NLRP9: variants seen among roughly 807,000 people sequenced by gnomAD.
NLRP9 encodes the protein NACHT, LRR and PYD domains-containing protein 9.
Under a neutral mutation model 83.1 loss-of-function variants are expected in NLRP9, and 88 were observed. The observed-to-expected ratio is 1.06, with a 90% confidence interval of 0.89 to 1.26. The LOEUF (loss-of-function observed/expected upper bound fraction) is 1.26, where lower values mean the gene tolerates loss of function less well. Ranked by LOEUF, NLRP9 falls within the 50% of genes most tolerant of loss-of-function variation. The pLI is 0.00. For synonymous variants in NLRP9, 521 were observed against 447.6 expected (o/e 1.16, Z -2.07); for missense variants, 1,308 against 1,179.3 (o/e 1.11, Z -1.60).
intron 8 of NLRP9, 170 bp downstream of exon 8, chr19:55,711,630 T>TA: frequency 2.3e-6 from 2 of 882,564 alleles, no homozygotes; most frequent in Non-Finnish European, 3.6e-6. Flanking sequence ...CTTGACATCT[T>TA]ACAATGTCAA....
At chr19:55,720,183 T>C (rs936918479) in intron 4 of NLRP9, among the ~76,000 whole-genome samples, 11 of 152,224 alleles carry the variant, frequency 7.2e-5, no homozygotes, top group African/African-American at 2.7e-4. Flanking sequence ...TCTGTGTTCA[T>C]ATGTGAATTT....
At chr19:55,734,339 G>C (rs1351274919) in intron 1 of NLRP9, among the ~76,000 whole-genome samples, 5 of 125,840 alleles carry the variant, frequency 4.0e-5, no homozygotes, top group Non-Finnish European at 1.6e-5. Context: ...ACTCAAGCCT[G>C]GGCAACAGCC....
intron 3 of NLRP9, among the ~76,000 whole-genome samples, chr19:55,726,656 GA>G (rs1309585765): frequency 6.6e-6 from 1 of 151,960 alleles, no homozygotes; most frequent in African/African-American, 2.4e-5. Flanking sequence ...AACTATGAGG[GA>G]AAAAAAGTTG....
chr19:55,709,323 C>T (rs1438034478), intron 8 of NLRP9: 1 of 203,620 alleles, frequency 4.9e-6, no homozygotes, highest in African/African-American at 2.3e-5. Context: ...GGATAACTTC[C>T]ATTCATCTGA....
At chr19:55,731,680 C>T (rs915488117) in intron 2 of NLRP9, among the ~76,000 whole-genome samples, 8 of 147,842 alleles carry the variant, frequency 5.4e-5, no homozygotes, top group South Asian at 4.3e-4. Flanking sequence ...GCCGAGATCG[C>T]GCCACTGCAC....
intron 4 of NLRP9, among the ~76,000 whole-genome samples, chr19:55,717,337 T>C (rs1464111801): frequency 1.3e-5 from 2 of 152,146 alleles, no homozygotes; most frequent in Non-Finnish European, 2.9e-5. Context: ...CCGGCCACAT[T>C]ACAAACTTTT....
intron 2 of NLRP9, among the ~76,000 whole-genome samples, 169 bp downstream of exon 2, chr19:55,731,830 A>C (rs1988580194): frequency 6.6e-6 from 1 of 152,146 alleles, no homozygotes; most frequent in East Asian, 1.9e-4. Context: ...AAGTTCAAGA[A>C]GTTGCAGCTC....
intron 4 of NLRP9, among the ~76,000 whole-genome samples, chr19:55,719,313 C>T (rs554541627): frequency 5.2e-4 from 79 of 152,214 alleles, no homozygotes; most frequent in African/African-American, 9.9e-4. Context: ...CCACCACACC[C>T]GGCTAATTTT....
intron 1 of NLRP9, 144 bp from the exon 2 acceptor site, chr19:55,733,694 G>C (rs995280200): frequency 1.7e-6 from 1 of 594,826 alleles, no homozygotes; most frequent in East Asian, 2.8e-5. Context: ...CTGAGAGACT[G>C]GTTCACGCCA....
chr19:55,729,357 G>C (rs1988501761), intron 3 of NLRP9, among the ~76,000 whole-genome samples: 1 of 151,326 alleles, frequency 6.6e-6, no homozygotes, highest in South Asian at 2.1e-4. Flanking sequence ...TTTACATTAG[G>C]TATATCTCCT....
chr19:55,733,107 C>T lies in NLRP9; in HGVS notation c.724G>A (p.Asp242Asn). The T allele has an allele frequency of 1.2e-6, 2 of 1,614,134 alleles. No homozygotes were observed. Among genetic ancestry groups the T allele is most frequent in the Non-Finnish European group, 1.7e-6 (2 of 1,180,012 alleles). Residue 242 changes from aspartate to asparagine, a missense_variant, in exon 2 of 9, where the codon GAC (aspartate) becomes AAC (asparagine). Asp to Asn is a conservative substitution (Grantham distance 23). Transcript: ENST00000332836. ...QLKFNLQLKA[D>N]LSDDWRQRQP... ...CGCTGCCTCCAATCATCGCTCAAGT[C>T]AGCCTTAAGTTGTAAGTTAAACTTC...
rs188330771 is a variant in NLRP9, at chr19:55,719,919, T to C, written c.2160-3021A>G. Among the ~76,000 whole-genome samples the C allele has an allele frequency of 1.1e-4, 17 of 152,226 alleles. No homozygotes were observed. The East Asian group carries it at 3.3e-3, about 29-fold the overall frequency. On this transcript the variant is annotated intron_variant, in intron 4 of 8. Coordinates refer to ENST00000332836, the MANE Select transcript of NLRP9 (RefSeq NM_176820.4). Reference sequence around the variant, plus strand: ...GACACATTAAGCACATTGCCTACAATGGGACGAAATATACTGATTTATTTA... The same window carrying C: ...GACACATTAAGCACATTGCCTACAACGGGACGAAATATACTGATTTATTTA...
intron 4 of NLRP9, among the ~76,000 whole-genome samples, chr19:55,717,572 C>T (rs750871959): frequency 6.6e-6 from 1 of 152,186 alleles, no homozygotes; most frequent in Non-Finnish European, 1.5e-5. Flanking sequence ...AAAGAAGTAT[C>T]CAGAACTCGA....
rs1987556077 is a variant in NLRP9 at position 55,708,790 on chromosome 19, A to T, written c.*122T>A. ...AATCATATTGCTAGAACACTTAGGG[A>T]GTACCTCTGAAATCACAGCCCTGCT... On this transcript the variant is annotated 3_prime_UTR_variant, in exon 9 of 9. Transcript: ENST00000332836. The T allele has an allele frequency of 6.3e-6, 4 of 633,836 alleles. No homozygotes were observed. The highest frequency in any genetic ancestry group is 1.1e-5 in the Non-Finnish European group (4 of 373,488). 39.3% of individuals were successfully genotyped at this position (633,836 alleles called of 1,614,324 possible).
rs1987570842 is a variant in NLRP9, at chr19:55,708,969, G to A, written c.2919C>T (p.Thr973=). ...MSVEEKIPHL[T]ISHGPWIDEE... Reference sequence around the variant, plus strand: ...CGTCAATCCAAGGTCCATGTGAAATGGTCAGATGGGGAATTTTTTCTTCCA... The same window carrying A: ...CGTCAATCCAAGGTCCATGTGAAATAGTCAGATGGGGAATTTTTTCTTCCA... Residue 973 remains threonine, a synonymous_variant, in exon 9 of 9, where the codon ACC becomes ACT. Coordinates refer to ENST00000332836, the MANE Select transcript of NLRP9 (RefSeq NM_176820.4). 2.5e-6 allele frequency: 4 copies of A among 1,590,234 alleles called. No individual in the cohort carries two copies. Among genetic ancestry groups the A allele is most frequent in the Admixed American group, 1.8e-5 (1 of 55,542 alleles).
rs760884551 is a variant in NLRP9, at chr19:55,715,016, A to G, written c.2501+39T>C. On this transcript the variant is annotated intron_variant, in intron 6 of 8. Transcript: ENST00000332836. Reference sequence around the variant, plus strand: ...TCCTAGAGCCACAGTATCCAAAAAAAGAAACCCTGACATTGAAGCAAATCA... The same window carrying G: ...TCCTAGAGCCACAGTATCCAAAAAAGGAAACCCTGACATTGAAGCAAATCA... 5.7e-6 allele frequency: 9 copies of G among 1,565,528 alleles called. No individual in the cohort carries two copies. In the South Asian group the frequency reaches 9.4e-5, roughly 16 times the overall value.
intron 6 of NLRP9, among the ~76,000 whole-genome samples, chr19:55,714,073 T>TC (rs1049539051): frequency 2.0e-5 from 3 of 150,870 alleles, no homozygotes; most frequent in Admixed American, 1.3e-4. Context: ...TATCTGACAC[T>TC]CCATCAGATG....
chr19:55,713,322 C>T (rs1987843217), intron 6 of NLRP9, among the ~76,000 whole-genome samples: 1 of 151,494 alleles, frequency 6.6e-6, no homozygotes, highest in South Asian at 2.1e-4. Context: ...AGATAGAGGA[C>T]AGAGGATAGG....
intron 4 of NLRP9, among the ~76,000 whole-genome samples, chr19:55,718,733 A>G (rs1250566105): frequency 2.6e-5 from 4 of 152,242 alleles, no homozygotes; most frequent in Admixed American, 6.5e-5. Context: ...CTCAGAGACC[A>G]GCGCCAGTGC....
Sources: allele counts gnomAD v4.1 joint callset (sites outside exome capture counted in the v4.1 genomes callset), GRCh38; gene constraint gnomAD v4.1.1; transcripts MANE v1.5; gene names NCBI Gene and HGNC (gene_info 2026-07-23, HGNC 2026-07-21).